The following CNTNAP5 variants were observed in gnomAD, a reference collection of about 807,000 sequenced individuals.
CNTNAP5 encodes contactin associated protein family member 5.
CNTNAP5 carries 72 observed loss-of-function variants against 150.2 expected under a neutral mutation model. The observed-to-expected ratio is 0.48, with a 90% CI of 0.40 to 0.58. CNTNAP5 has a LOEUF of 0.58. CNTNAP5 is among the 20% of genes least tolerant of loss of function. The pLI is 0.00. For missense variants in CNTNAP5, 1,636 were observed against 1,626.2 expected (o/e 1.01, Z -0.10); for synonymous variants, 672 against 619.8 (o/e 1.08, Z -1.25).
At chr2:124,827,848 C>A (rs1355260353) in intron 19 of CNTNAP5, among the ~76,000 whole-genome samples, 12 of 152,116 alleles carry the variant, frequency 7.9e-5, no homozygotes, top group Admixed American at 7.9e-4. Context: ...TCTGTAGTTT[C>A]TGTGTTTTCT....
At chr2:124,300,601 G>A (rs1223441256) in intron 3 of CNTNAP5, among the ~76,000 whole-genome samples, 1 of 152,204 alleles carries the variant, frequency 6.6e-6, no homozygotes, top group African/African-American at 2.4e-5. Flanking sequence ...CAGCAGTGGG[G>A]CTGGACCACA....
chr2:124,285,794 C>G (rs1688135508), intron 3 of CNTNAP5, among the ~76,000 whole-genome samples: 1 of 151,870 alleles, frequency 6.6e-6, no homozygotes, highest in African/African-American at 2.4e-5. Context: ...AGAATGAGAC[C>G]TTGTCTTGAA....
intron 19 of CNTNAP5, among the ~76,000 whole-genome samples, chr2:124,862,103 C>G (rs748859027): frequency 6.6e-6 from 1 of 152,224 alleles, no homozygotes; most frequent in Non-Finnish European, 1.5e-5. Flanking sequence ...CGTGAGCCAT[C>G]ACACCTAGCC....
In CNTNAP5 at chr2:124,915,629, C is replaced by T. The variant is rs192582454; in HGVS notation, c.*1341C>T. Among the ~76,000 whole-genome samples, 6 of 152,062 alleles carry T rather than the reference C, an allele frequency of 3.9e-5. No homozygotes were observed. The highest frequency in any genetic ancestry group is 1.4e-4 in the African/African-American group (6 of 41,508). ...TGCTATACCCTATATACATAAAGAC[C>T]CTTCCAAACATCTTTTTATAGGCTT... On this transcript the variant is annotated 3_prime_UTR_variant, in exon 24 of 24. Transcript: ENST00000682447.
intron 3 of CNTNAP5, among the ~76,000 whole-genome samples, chr2:124,377,594 G>A (rs1690682004): frequency 6.6e-6 from 1 of 151,450 alleles, no homozygotes; most frequent in African/African-American, 2.4e-5. Flanking sequence ...AGAATCTCTT[G>A]AACCCGGAAG....
chr2:124,028,452 A>G (rs1033189730), intron 1 of CNTNAP5, among the ~76,000 whole-genome samples: 1 of 152,148 alleles, frequency 6.6e-6, no homozygotes, highest in African/African-American at 2.4e-5. Context: ...AAATAAAGTC[A>G]GGTTAGAAGG....
chr2:124,046,101 C>A (rs2104637107), intron 1 of CNTNAP5, among the ~76,000 whole-genome samples: 1 of 152,282 alleles, frequency 6.6e-6, no homozygotes, highest in East Asian at 1.9e-4. Context: ...CAGCTTTATT[C>A]TAGATGCTGG....
chr2:124,804,996 C>T (rs1205360603), intron 19 of CNTNAP5, among the ~76,000 whole-genome samples: 1 of 151,988 alleles, frequency 6.6e-6, no homozygotes, highest in Non-Finnish European at 1.5e-5. Context: ...AATTAATACT[C>T]CTCTTTGTAT....
At chr2:124,327,256 A>T (rs994675065) in intron 3 of CNTNAP5, among the ~76,000 whole-genome samples, 3 of 152,096 alleles carry the variant, frequency 2.0e-5, no homozygotes, top group Non-Finnish European at 4.4e-5. Flanking sequence ...CTGGGATTAC[A>T]GGCATGAGCC....
chr2:124,347,047 C>G (rs1200667539), intron 3 of CNTNAP5, among the ~76,000 whole-genome samples: 1 of 151,966 alleles, frequency 6.6e-6, no homozygotes, highest in Non-Finnish European at 1.5e-5. Flanking sequence ...AAGATCATGC[C>G]ACTGCACTCC....
In CNTNAP5 at chr2:124,434,506, T is replaced by C; in HGVS notation, c.552T>C (p.Asp184=). ...CSYKSDVADF[D]GRSSLLYRFN... ...CAGAATCAGATGTTGCTGACTTTGA[T>C]GGCCGAAGCTCACTTCTGTACAGGT... is the stretch of plus-strand genomic sequence containing the variant. Residue 184 remains aspartate, a synonymous_variant, in exon 5 of 24, where the codon GAT becomes GAC. Transcript: ENST00000682447. 6.2e-7 allele frequency: 1 copy of C among 1,613,904 alleles called. No individual in the cohort carries two copies. Among genetic ancestry groups the C allele is most frequent in the Non-Finnish European group, 8.5e-7 (1 of 1,179,790 alleles).
chr2:124,182,895 A>G (rs1355599177), intron 1 of CNTNAP5, among the ~76,000 whole-genome samples: 1 of 152,118 alleles, frequency 6.6e-6, no homozygotes, highest in African/African-American at 2.4e-5. Context: ...TTTCACTATT[A>G]CATTTCTGAA....
At chr2:124,823,412 A>T (rs543384929) in intron 19 of CNTNAP5, among the ~76,000 whole-genome samples, 1 of 152,258 alleles carries the variant, frequency 6.6e-6, no homozygotes, top group East Asian at 1.9e-4. Flanking sequence ...CCATTCACAC[A>T]TTTCACCTTT....
chr2:124,785,050 A>C (rs573047890), intron 17 of CNTNAP5, among the ~76,000 whole-genome samples: 1 of 150,948 alleles, frequency 6.6e-6, no homozygotes. Context: ...AGAAAAAAAA[A>C]AAAAAAACAA....
intron 1 of CNTNAP5, among the ~76,000 whole-genome samples, chr2:124,207,086 A>T (rs1346052333): frequency 6.6e-6 from 1 of 152,226 alleles, no homozygotes; most frequent in East Asian, 1.9e-4. Context: ...TTAAAATTCC[A>T]TTTAAAGAAA....
chr2:124,494,310 G>GTAAGA (rs1441259730), intron 7 of CNTNAP5, among the ~76,000 whole-genome samples: 2 of 152,122 alleles, frequency 1.3e-5, no homozygotes, highest in African/African-American at 4.8e-5. Flanking sequence ...GTGCACCAGT[G>GTAAGA]TAAGACCTAG....
At chr2:124,341,945 G>T (rs1210996579) in intron 3 of CNTNAP5, among the ~76,000 whole-genome samples, 1 of 152,098 alleles carries the variant, frequency 6.6e-6, no homozygotes, top group Non-Finnish European at 1.5e-5. Flanking sequence ...CAGAAAATTG[G>T]GAGAAAATTG....
rs191686408 is a variant in CNTNAP5, at chr2:124,758,308, G to A, written c.2235-5364G>A. On this transcript the variant is annotated intron_variant, in intron 14 of 23. Coordinates refer to ENST00000682447, the MANE Select transcript of CNTNAP5 (RefSeq NM_001367498.1). ...CATTCACAGAGTTGAGTGACAGACAGGTGGGAAAGTTGACCCCTGAGAAAA... is the reference window on the plus strand; with the variant it reads ...CATTCACAGAGTTGAGTGACAGACAAGTGGGAAAGTTGACCCCTGAGAAAA... 5.3e-5 allele frequency among the ~76,000 whole-genome samples: 8 copies of A among 152,266 alleles called. No individual in the cohort carries two copies. In the East Asian group the frequency reaches 1.5e-3, roughly 29 times the overall value.
intron 1 of CNTNAP5, among the ~76,000 whole-genome samples, chr2:124,113,506 A>G (rs201706171): frequency 0.061 from 8,774 of 142,758 alleles, 302 homozygotes; most frequent in South Asian, 0.14. Flanking sequence ...ATACATATAT[A>G]TGTGTGTGTG....
Sources: gnomAD v4.1 joint callset for allele counts (sites outside exome capture counted in the v4.1 genomes callset) on GRCh38, gnomAD v4.1.1 for gene constraint, MANE v1.5 for transcripts, NCBI Gene and HGNC (gene_info 2026-07-23, HGNC 2026-07-21) for gene names.